RCBTB2: variants seen among roughly 807,000 people sequenced by gnomAD.
RCBTB2 encodes the protein RCC1 and BTB domain-containing protein 2.
RCBTB2 carries 55 observed loss-of-function variants against 65.4 expected under a neutral mutation model. The observed-to-expected ratio is 0.84, with a 90% CI of 0.68 to 1.05. RCBTB2 has a LOEUF of 1.05. RCBTB2 is among the 50% of genes least tolerant of loss of function. The probability of loss-of-function intolerance (pLI) is 0.00; values close to 1 mark genes in which losing one functional copy is unlikely to be tolerated. For synonymous variants in RCBTB2, 220 were observed against 255.2 expected (o/e 0.86, Z 1.31); for missense variants, 599 against 680.1 (o/e 0.88, Z 1.33).
chr13:48,520,922 C>T (rs1479427330), intron 4 of RCBTB2, among the ~76,000 whole-genome samples: 1 of 150,076 alleles, frequency 6.7e-6, no homozygotes, highest in Non-Finnish European at 1.5e-5. Context: ...TCATTATATT[C>T]ATTATATCTT....
At chr13:48,521,474 T>C (rs1951420944) in intron 4 of RCBTB2, among the ~76,000 whole-genome samples, 2 of 152,224 alleles carry the variant, frequency 1.3e-5, no homozygotes, top group African/African-American at 4.8e-5. Context: ...TTGACTGTCA[T>C]GTTCAGATGT....
intron 1 of RCBTB2, among the ~76,000 whole-genome samples, chr13:48,531,283 C>A (rs1202490904): frequency 1.3e-5 from 2 of 152,166 alleles, no homozygotes; most frequent in Non-Finnish European, 2.9e-5. Context: ...AAAAATATCT[C>A]TGGAGTAAGT....
chr13:48,520,226 C>G (rs1951343290), intron 4 of RCBTB2, among the ~76,000 whole-genome samples: 1 of 152,132 alleles, frequency 6.6e-6, no homozygotes, highest in Non-Finnish European at 1.5e-5. Context: ...AGGATTCACA[C>G]AATAGTCCCC....
At chr13:48,490,288 A>T in intron 14 of RCBTB2, 37 bp from the exon 15 acceptor site, 1 of 1,575,542 alleles carries the variant, frequency 6.3e-7, no homozygotes. Flanking sequence ...ATAAATTCAT[A>T]TTTACTAATT....
At chr13:48,508,412 GTT>G (rs570095675) in intron 10 of RCBTB2, among the ~76,000 whole-genome samples, 2 of 143,676 alleles carry the variant, frequency 1.4e-5, no homozygotes, top group African/African-American at 2.6e-5. Context: ...ATTCATCCAT[GTT>G]TTTTTTTTTT....
upstream of RCBTB2, among the ~76,000 whole-genome samples, chr13:48,535,156 C>A (rs985839930): frequency 3.3e-5 from 5 of 152,178 alleles, no homozygotes; most frequent in Admixed American, 3.3e-4. Flanking sequence ...GATTATATGT[C>A]CCCTATCAGC....
At chr13:48,528,448 C>A (rs55839837) in intron 1 of RCBTB2, among the ~76,000 whole-genome samples, 9,923 of 152,148 alleles carry the variant, frequency 0.065, 454 homozygotes, top group Middle Eastern at 0.12. Flanking sequence ...ATTATCCCAT[C>A]TGGGTGGGTA....
chr13:48,526,509 C>T (rs1951741895), intron 1 of RCBTB2, among the ~76,000 whole-genome samples: 1 of 151,708 alleles, frequency 6.6e-6, no homozygotes, highest in Non-Finnish European at 1.5e-5. Flanking sequence ...GCACTCAGCC[C>T]GGGTGACAAA....
Position 48,508,583 on chromosome 13 carries a change from T to C in RCBTB2, c.926+2046A>G, listed in dbSNP as rs574282862. 2.8e-3 allele frequency among the ~76,000 whole-genome samples: 426 copies of C among 152,220 alleles called. 1 individual carries two copies. Among genetic ancestry groups the C allele is most frequent in the Non-Finnish European group, 4.9e-3 (330 of 67,984 alleles). On this transcript the variant is annotated intron_variant, in intron 10 of 14. Coordinates refer to ENST00000344532, the MANE Select transcript of RCBTB2 (RefSeq NM_001268.4). Reference sequence around the variant, plus strand: ...TGTGCCCAGCTAATTTTTATATTTTTAGTAGAGACAGGGTTTCACCATGTT... The same window carrying C: ...TGTGCCCAGCTAATTTTTATATTTTCAGTAGAGACAGGGTTTCACCATGTT...
intron 7 of RCBTB2, 51 bp downstream of exon 7, chr13:48,512,678 T>C: frequency 1.4e-6 from 2 of 1,463,000 alleles, no homozygotes; most frequent in Non-Finnish European, 1.9e-6. Flanking sequence ...TATAGAAGTC[T>C]ACATAATCTT....
At chr13:48,513,740 G>C (rs918857530) in intron 6 of RCBTB2, among the ~76,000 whole-genome samples, 2 of 152,122 alleles carry the variant, frequency 1.3e-5, no homozygotes, top group Non-Finnish European at 2.9e-5. Context: ...AAATACAGCT[G>C]TCTTATAATT....
At chr13:48,510,413 G>A (rs1261718645) in intron 10 of RCBTB2, among the ~76,000 whole-genome samples, 1 of 152,152 alleles carries the variant, frequency 6.6e-6, no homozygotes, top group Non-Finnish European at 1.5e-5. Context: ...GCTGTTGGAG[G>A]TATAGATGAA....
intron 13 of RCBTB2, among the ~76,000 whole-genome samples, chr13:48,498,991 C>T (rs891176168): frequency 5.9e-5 from 9 of 151,936 alleles, no homozygotes; most frequent in Non-Finnish European, 8.8e-5. Flanking sequence ...TGCTATACAA[C>T]CCCAACCCAG....
chr13:48,533,182 GAGCGCAGA>G, upstream of RCBTB2: 1 of 368,040 alleles, frequency 2.7e-6, no homozygotes, highest in Non-Finnish European at 5.5e-6. Flanking sequence ...GAAACGAAGG[GAGCGCAGA>G]CAAGAGGAGG....
rs765742230 is a variant in RCBTB2, at chr13:48,521,951, C to A, written c.-12G>T. ...AGTTCTTCTTCCATATGGACTCAGT[C>A]CTGGGCAGTCCCTGAGGAAAAAGTA... On this transcript the variant is annotated 5_prime_UTR_variant, in exon 4 of 15. Transcript: ENST00000344532. 7 of 1,613,412 alleles carry A rather than the reference C, an allele frequency of 4.3e-6. No individual in the cohort carries two copies. The East Asian group carries it at 1.3e-4, about 31-fold the overall frequency.
chr13:48,524,869 A>T (rs1354159691), intron 1 of RCBTB2, 112 bp from the exon 2 acceptor site: 1 of 152,166 alleles, frequency 6.6e-6, no homozygotes, highest in Non-Finnish European at 1.5e-5. Flanking sequence ...TACAGCTTAA[A>T]AATTGTATCT....
rs1950824970 is a variant in RCBTB2 at position 48,511,997 on chromosome 13, T to C, written c.675+19A>G. ...TGGCAAACACGGTTTTTAAACAAGATGTAAAATAACTTCCTTACCTCCCCC... is the reference window on the plus strand; with the variant it reads ...TGGCAAACACGGTTTTTAAACAAGACGTAAAATAACTTCCTTACCTCCCCC... On this transcript the variant is annotated intron_variant, in intron 8 of 14. Transcript: ENST00000344532. 6.2e-7 allele frequency: 1 copy of C among 1,610,808 alleles called. No homozygotes were observed. Among genetic ancestry groups the C allele is most frequent in the African/African-American group, 1.3e-5 (1 of 75,018 alleles).
At chr13:48,530,329 A>T (rs1952041428) in intron 1 of RCBTB2, among the ~76,000 whole-genome samples, 1 of 152,236 alleles carries the variant, frequency 6.6e-6, no homozygotes, top group Non-Finnish European at 1.5e-5. Flanking sequence ...AGCAAATTCC[A>T]TGGACTCCTT....
intron 4 of RCBTB2, among the ~76,000 whole-genome samples, chr13:48,518,204 T>C (rs1323335813): frequency 6.6e-6 from 1 of 152,058 alleles, no homozygotes; most frequent in Admixed American, 6.6e-5. Context: ...ACAAAGAAAC[T>C]AACAGAGAAG....
Sources: allele counts gnomAD v4.1 joint callset (sites outside exome capture counted in the v4.1 genomes callset), GRCh38; gene constraint gnomAD v4.1.1; transcripts MANE v1.5; gene names NCBI Gene and HGNC (gene_info 2026-07-23, HGNC 2026-07-21).